Variants in CACNA2D3 observed in about 807,000 individuals in gnomAD.
CACNA2D3 encodes calcium voltage-gated channel auxiliary subunit alpha2delta 3, also known as voltage-dependent calcium channel subunit alpha-2/delta-3.
A neutral mutation model predicts 160.6 loss-of-function variants in CACNA2D3; 60 were observed. The ratio of observed to expected loss-of-function variants is 0.37; its 90% CI spans 0.30 to 0.46. The LOEUF is 0.46. Ranked by LOEUF, CACNA2D3 falls within the 20% of genes least tolerant of loss-of-function variation. The pLI, the probability that CACNA2D3 is intolerant of heterozygous loss-of-function variation, is 1.00. For synonymous variants in CACNA2D3, 558 were observed against 492.9 expected (o/e 1.13, Z -1.75); for missense variants, 1,205 against 1,365.0 (o/e 0.88, Z 1.85).
chr3:54,671,895 A>G (rs1700170754), intron 11 of CACNA2D3, among the ~76,000 whole-genome samples: 1 of 152,254 alleles, frequency 6.6e-6, no homozygotes, highest in African/African-American at 2.4e-5. Context: ...CTGCCCCTGC[A>G]TAATGAGAAA....
At chr3:54,443,193 A>C (rs1700170628) in intron 4 of CACNA2D3, among the ~76,000 whole-genome samples, 1 of 152,186 alleles carries the variant, frequency 6.6e-6, no homozygotes, top group African/African-American at 2.4e-5. Flanking sequence ...GACAACATAT[A>C]GTCGGGGGAT....
intron 11 of CACNA2D3, among the ~76,000 whole-genome samples, chr3:54,732,993 G>C (rs1701419350): frequency 1.3e-5 from 2 of 152,348 alleles, no homozygotes; most frequent in Middle Eastern, 3.4e-3. Context: ...AACTTCTAAA[G>C]TGGGAACTCA....
Position 54,890,509 on chromosome 3 carries a change from A to C in CACNA2D3, c.2151-846A>C, listed in dbSNP as rs188776855. On this transcript the variant is annotated intron_variant, in intron 24 of 37. Transcript: ENST00000474759. ...AGACTCCGTCTCAAAAAAAAAAAAA[A>C]AAAAAGAAAAAGAAAGAAAAAAAAT... Among the ~76,000 whole-genome samples, 64 of 151,512 alleles carry C rather than the reference A, an allele frequency of 4.2e-4. No individual in the cohort carries two copies. The East Asian group carries it at 0.012, about 28-fold the overall frequency.
At chr3:54,800,677 T>C (rs1024195105) in intron 13 of CACNA2D3, among the ~76,000 whole-genome samples, 6 of 152,218 alleles carry the variant, frequency 3.9e-5, no homozygotes, top group African/African-American at 1.4e-4. Flanking sequence ...TCTCAAAGAA[T>C]GTCTGCCATC....
intron 30 of CACNA2D3, among the ~76,000 whole-genome samples, chr3:54,986,135 G>A (rs1702607624): frequency 6.6e-6 from 1 of 152,120 alleles, no homozygotes; most frequent in South Asian, 2.1e-4. Context: ...CTCATGTAGG[G>A]GTGAGAGAGG....
At chr3:54,472,779 A>T (rs1001222072) in intron 4 of CACNA2D3, among the ~76,000 whole-genome samples, 1 of 152,228 alleles carries the variant, frequency 6.6e-6, no homozygotes. Flanking sequence ...GTGAACTCCC[A>T]TTCACAATTG....
chr3:54,875,021 C>T (rs1699625729), intron 18 of CACNA2D3: 1 of 152,094 alleles, frequency 6.6e-6, no homozygotes, highest in African/African-American at 2.4e-5. Flanking sequence ...CCCCTACTAC[C>T]CTCTAGGCAA....
At chr3:54,206,569 C>T (rs1439797146) in intron 2 of CACNA2D3, among the ~76,000 whole-genome samples, 4 of 152,166 alleles carry the variant, frequency 2.6e-5, no homozygotes, top group Non-Finnish European at 5.9e-5. Flanking sequence ...TGCCGCGACC[C>T]AACCTTGAGA....
At chr3:55,063,034 T>C (rs1256905265) in intron 35 of CACNA2D3, among the ~76,000 whole-genome samples, 1 of 152,208 alleles carries the variant, frequency 6.6e-6, no homozygotes, top group Non-Finnish European at 1.5e-5. Context: ...TACAGGTACC[T>C]ACAACATGTC....
At chr3:55,021,630 T>G in intron 35 of CACNA2D3, among the ~76,000 whole-genome samples, 1 of 130,038 alleles carries the variant, frequency 7.7e-6, no homozygotes. Flanking sequence ...TGTGTGTATA[T>G]ATATATATAT....
intron 5 of CACNA2D3, among the ~76,000 whole-genome samples, chr3:54,551,803 G>C (rs1026930871): frequency 1.3e-5 from 2 of 152,170 alleles, no homozygotes; most frequent in African/African-American, 2.4e-5. Flanking sequence ...AGTATTTGCT[G>C]GTGGGAAAAG....
chr3:54,928,081 A>G (rs1701078775), intron 27 of CACNA2D3: 2 of 645,730 alleles, frequency 3.1e-6, no homozygotes, highest in Non-Finnish European at 5.5e-6. Flanking sequence ...TCAAAAGACC[A>G]TTTATTTAAG....
chr3:54,963,581 C>T (rs997230518), intron 27 of CACNA2D3, among the ~76,000 whole-genome samples: 1 of 152,184 alleles, frequency 6.6e-6, no homozygotes, highest in Non-Finnish European at 1.5e-5. Context: ...AGCACAGGAT[C>T]AGAGCATTCA....
At chr3:54,988,305 C>T (rs376426873) in intron 31 of CACNA2D3, among the ~76,000 whole-genome samples, 1 of 152,210 alleles carries the variant, frequency 6.6e-6, no homozygotes, top group South Asian at 2.1e-4. Context: ...ACTGACTACT[C>T]ATCCAGGTGT....
intron 27 of CACNA2D3, among the ~76,000 whole-genome samples, chr3:54,930,450 AG>A (rs1042588609): frequency 3.9e-5 from 6 of 152,324 alleles, no homozygotes; most frequent in Admixed American, 3.9e-4. Flanking sequence ...ATACCTCTTT[AG>A]GTTATAGTGG....
chr3:54,334,085 T>TTTTAA (rs1704324564), intron 3 of CACNA2D3, among the ~76,000 whole-genome samples: 2 of 152,236 alleles, frequency 1.3e-5, no homozygotes, highest in Admixed American at 6.5e-5. Context: ...TGTGTTGACT[T>TTTTAA]TTTAATTTAA....
At chr3:54,768,919 C>T (rs1354105261) in intron 13 of CACNA2D3, among the ~76,000 whole-genome samples, 1 of 152,146 alleles carries the variant, frequency 6.6e-6, no homozygotes, top group Admixed American at 6.6e-5. Flanking sequence ...GTTCCTTCTC[C>T]TCTTCATGGT....
rs140311356 is a variant in CACNA2D3 at position 54,306,328 on chromosome 3, T to TGAGAGAGAGA, written c.205-14107_205-14098dup. On this transcript the variant is annotated intron_variant, in intron 2 of 37. Coordinates refer to ENST00000474759, the MANE Select transcript of CACNA2D3 (RefSeq NM_018398.3). ...CATTGTCATTTTATGTGTGTGTATA[T>TGAGAGAGAGA]GAGAGAGAGAGAGAGAAGTATTAGT... Among the ~76,000 whole-genome samples, 6 of 151,332 alleles carry TGAGAGAGAGA rather than the reference T, an allele frequency of 4.0e-5. No homozygotes were observed. In the East Asian group the frequency reaches 1.2e-3, roughly 29 times the overall value.
chr3:55,019,723 C>T (rs140748041), intron 35 of CACNA2D3, among the ~76,000 whole-genome samples: 1 of 152,152 alleles, frequency 6.6e-6, no homozygotes, highest in Non-Finnish European at 1.5e-5. Context: ...TCTTTCTAGT[C>T]TCCGTACTTA....
Sources: allele counts gnomAD v4.1 joint callset (sites outside exome capture counted in the v4.1 genomes callset), GRCh38; gene constraint gnomAD v4.1.1; transcripts MANE v1.5; gene names NCBI Gene and HGNC (gene_info 2026-07-23, HGNC 2026-07-21).